The following G3BP2 variants were observed in gnomAD, a reference collection of about 807,000 sequenced individuals.
The protein encoded by G3BP2 is G3BP stress granule assembly factor 2.
G3BP2 carries 11 observed loss-of-function variants against 56.7 expected under a neutral mutation model. That is an observed-to-expected ratio of 0.19 (90% CI 0.12 to 0.32). The LOEUF (loss-of-function observed/expected upper bound fraction) is 0.32, where lower values mean the gene tolerates loss of function less well. G3BP2 is among the 10% of genes least tolerant of loss of function. G3BP2 has a pLI of 1.00. For synonymous variants in G3BP2, 165 were observed against 191.6 expected, an observed-to-expected ratio of 0.86 and a Z score of 1.15; for missense variants, 340 against 610.9, an observed-to-expected ratio of 0.56 and a Z score of 4.67.
In G3BP2 at chr4:75,716,231, G is replaced by A. The variant is rs563587695; in HGVS notation, c.-25+4646C>T. Among the ~76,000 whole-genome samples, 4 of 152,210 alleles carry A rather than the reference G, an allele frequency of 2.6e-5. No homozygotes were observed. In the South Asian group the frequency reaches 6.2e-4, roughly 24 times the overall value. On this transcript the variant is annotated intron_variant, in intron 3 of 3. Coordinates refer to the G3BP2 transcript ENST00000499709. ...GTCACTCAGGCTGGAGTGCAGTGGT[G>A]CAATCTCAGCTCACTGCAACCTCCG...
intron 3 of G3BP2, among the ~76,000 whole-genome samples, chr4:75,707,955 T>G (rs1719616039): frequency 6.6e-6 from 1 of 152,190 alleles, no homozygotes; most frequent in Admixed American, 6.5e-5. Flanking sequence ...ATACATAAAA[T>G]GAGATTTATT....
At chr4:75,664,682 T>C (rs1393004992) in intron 1 of G3BP2, among the ~76,000 whole-genome samples, 1 of 152,136 alleles carries the variant, frequency 6.6e-6, no homozygotes, top group Admixed American at 6.6e-5. Flanking sequence ...ACCCCATCTC[T>C]ACTAAAAATA....
chr4:75,691,743 T>C (rs1464300749), intron 3 of G3BP2, among the ~76,000 whole-genome samples: 1 of 152,184 alleles, frequency 6.6e-6, no homozygotes, highest in Non-Finnish European at 1.5e-5. Flanking sequence ...GAGTCCTACC[T>C]CTACAGATTC....
At chr4:75,664,978 G>A (rs1048677744) in intron 1 of G3BP2, among the ~76,000 whole-genome samples, 19 of 152,000 alleles carry the variant, frequency 1.3e-4, no homozygotes, top group African/African-American at 4.6e-4. Flanking sequence ...CCAACAGAGA[G>A]ACCCCATCTC....
intron 3 of G3BP2, among the ~76,000 whole-genome samples, chr4:75,684,333 A>T (rs576427861): frequency 1.3e-4 from 20 of 152,284 alleles, no homozygotes; most frequent in Admixed American, 4.6e-4. Context: ...TGAACCCAGG[A>T]GGCAGAGGTT....
chr4:75,682,925 A>C (rs1438489811), intron 3 of G3BP2, among the ~76,000 whole-genome samples: 1 of 151,742 alleles, frequency 6.6e-6, no homozygotes, highest in African/African-American at 2.4e-5. Flanking sequence ...CAGAGGTTGC[A>C]GTGAGCTGAG....
chr4:75,655,686 CT>C, intron 6 of G3BP2, 81 bp downstream of exon 6: 1 of 749,730 alleles, frequency 1.3e-6, no homozygotes, highest in East Asian at 2.5e-5. Flanking sequence ...CAAGAATTTA[CT>C]TTCAACAATA....
In G3BP2 at chr4:75,673,235, T is replaced by C. The variant is rs186648254; in HGVS notation, c.-52A>G. The C allele has an allele frequency of 5.5e-5, 67 of 1,216,758 alleles. No homozygotes were observed. The highest frequency in any genetic ancestry group is 6.5e-5 in the East Asian group (2 of 30,612). 75.4% of individuals were successfully genotyped at this position (1,216,758 alleles called of 1,614,324 possible). A position where few individuals can be genotyped will look rare whatever the true frequency, so the allele number is the denominator to read the frequency against. On this transcript the variant is annotated 5_prime_UTR_variant, in exon 1 of 12. Transcript: ENST00000359707. ...CCAGCCAACGGCGGCGGCGGGTACG[T>C]CGCGCGGAGGTCAGAAGAGTCGCTG... is the stretch of plus-strand genomic sequence containing the variant.
At chr4:75,666,888 T>C (rs1733082402) in intron 1 of G3BP2, among the ~76,000 whole-genome samples, 1 of 152,170 alleles carries the variant, frequency 6.6e-6, no homozygotes, top group African/African-American at 2.4e-5. Context: ...AACTATCTTA[T>C]CCATGGCCAT....
At chr4:75,665,578 T>C (rs184638753) in intron 1 of G3BP2, among the ~76,000 whole-genome samples, 4 of 151,874 alleles carry the variant, frequency 2.6e-5, no homozygotes, top group Admixed American at 2.0e-4. Context: ...AAACCCCATC[T>C]AAAATTAGCC....
intron 3 of G3BP2, among the ~76,000 whole-genome samples, chr4:75,679,095 T>G (rs1330023491): frequency 6.6e-6 from 1 of 152,222 alleles, no homozygotes; most frequent in Non-Finnish European, 1.5e-5. Flanking sequence ...TGCACAAGGC[T>G]AAAAATGGCC....
At chr4:75,680,248 T>G (rs1560410424) in intron 3 of G3BP2, among the ~76,000 whole-genome samples, 1 of 152,108 alleles carries the variant, frequency 6.6e-6, no homozygotes, top group African/African-American at 2.4e-5. Flanking sequence ...TATAAAAGAG[T>G]GTGTCAGAGA....
At chr4:75,673,168 GACC>G (rs1733643820) in intron 1 of G3BP2, 37 bp downstream of exon 1, 6 of 1,170,122 alleles carry the variant, frequency 5.1e-6, no homozygotes, top group African/African-American at 3.2e-5. Context: ...GTCCCTTTCC[GACC>G]ACCACACCGA....
chr4:75,655,359 C>A (rs1732014168), intron 6 of G3BP2, 113 bp from the exon 7 acceptor site: 2 of 770,718 alleles, frequency 2.6e-6, no homozygotes, highest in Non-Finnish European at 4.3e-6. Context: ...TGTTCTAGAT[C>A]TACAAAGTAT....
intron 3 of G3BP2, among the ~76,000 whole-genome samples, chr4:75,709,931 G>C (rs1052830907): frequency 1.3e-5 from 2 of 152,152 alleles, no homozygotes; most frequent in Non-Finnish European, 2.9e-5. Context: ...ACTTGGGTAA[G>C]AATAGACCAG....
chr4:75,671,705 A>C (rs1205024287), intron 1 of G3BP2, among the ~76,000 whole-genome samples: 1 of 152,210 alleles, frequency 6.6e-6, no homozygotes, highest in Non-Finnish European at 1.5e-5. Flanking sequence ...TTAGTTTGTA[A>C]AGATTAAATC....
At position 75,673,379 on chromosome 4, in the gene G3BP2, A is replaced by C; in HGVS notation, c.-196T>G. Reference sequence around the variant, plus strand: ...TCACAACCACCTCTTCCCGGGCGCCAGGCGCTGCGACGTGCGACAAGGACC... The same window carrying C: ...TCACAACCACCTCTTCCCGGGCGCCCGGCGCTGCGACGTGCGACAAGGACC... On this transcript the variant is annotated 5_prime_UTR_variant, in exon 1 of 12. Coordinates refer to ENST00000359707, the MANE Select transcript of G3BP2 (RefSeq NM_203505.3). The C allele has an allele frequency of 8.1e-7, 1 of 1,231,816 alleles. No individual in the cohort carries two copies. The highest frequency in any genetic ancestry group is 1.0e-6 in the Non-Finnish European group (1 of 987,794). The allele number at this position is 1,231,816 out of a possible 1,614,324, so 76.3% of individuals were successfully genotyped here. A position where few individuals can be genotyped will look rare whatever the true frequency, so the allele number is the denominator to read the frequency against.
chr4:75,718,162 AAAT>A (rs1190987343), intron 3 of G3BP2, among the ~76,000 whole-genome samples: 1 of 151,544 alleles, frequency 6.6e-6, no homozygotes, highest in African/African-American at 2.4e-5. Context: ...TAAAATAAAT[AAAT>A]AAATAAAAAT....
chr4:75,695,933 C>G (rs1377645297), intron 3 of G3BP2, among the ~76,000 whole-genome samples: 1 of 139,202 alleles, frequency 7.2e-6, no homozygotes, highest in African/African-American at 2.7e-5. Context: ...AAGACCACAC[C>G]ACTTCACTCC....
Sources: allele counts gnomAD v4.1 joint callset (sites outside exome capture counted in the v4.1 genomes callset), GRCh38; gene constraint gnomAD v4.1.1; transcripts MANE v1.5; gene names NCBI Gene and HGNC (gene_info 2026-07-23, HGNC 2026-07-21).